PTPN3: variants seen among roughly 807,000 people sequenced by gnomAD.
PTPN3 encodes the protein protein tyrosine phosphatase non-receptor type 3.
Under a neutral mutation model 132.7 loss-of-function variants are expected in PTPN3, and 96 were observed. The ratio of observed to expected loss-of-function variants is 0.72; its 90% CI spans 0.61 to 0.86. The LOEUF (loss-of-function observed/expected upper bound fraction) is 0.86, where lower values mean the gene tolerates loss of function less well. Among genes scored for constraint, PTPN3 ranks in the 40% least tolerant of loss-of-function variants. PTPN3 has a pLI of 0.00. For missense variants in PTPN3, 1,125 were observed against 1,159.6 expected, an observed-to-expected ratio of 0.97 and a Z score of 0.43; for synonymous variants, 398 against 429.0, an observed-to-expected ratio of 0.93 and a Z score of 0.89.
In PTPN3 at chr9:109,486,483, T is replaced by C. The variant is rs146984285; in HGVS notation, c.-18+11736A>G. 6.3e-3 allele frequency among the ~76,000 whole-genome samples: 961 copies of C among 151,880 alleles called. 12 individuals carry two copies. The highest frequency in any genetic ancestry group is 0.022 in the African/African-American group (916 of 41,404). On this transcript the variant is annotated intron_variant, in intron 1 of 25. Transcript: ENST00000374541. ...TGGGCTGGAGAAGGGATTTCTGAGG[T>C]GTGGTGGACAGGCTTGTCCAGGGCA... is the stretch of plus-strand genomic sequence containing the variant.
chr9:109,533,899 A>G, the PTPN3 span: 2 of 755,282 alleles, frequency 2.6e-6, no homozygotes, highest in Non-Finnish European at 4.8e-6. Context: ...AGCATCTATA[A>G]GGGTTACGGT....
At chr9:109,490,622 C>T (rs1184898592) in intron 1 of PTPN3, among the ~76,000 whole-genome samples, 2 of 151,810 alleles carry the variant, frequency 1.3e-5, no homozygotes, top group African/African-American at 4.8e-5. Context: ...GCCTGTAATC[C>T]CAGCTACTCA....
intron 7 of PTPN3, among the ~76,000 whole-genome samples, chr9:109,444,658 A>G (rs1438592268): frequency 6.6e-6 from 1 of 152,224 alleles, no homozygotes; most frequent in East Asian, 1.9e-4. Context: ...TTTTTTAATG[A>G]GTGTACTAGA....
the PTPN3 span, among the ~76,000 whole-genome samples, chr9:109,537,477 G>A: frequency 2.0e-5 from 3 of 152,134 alleles, no homozygotes; most frequent in South Asian, 2.1e-4. Flanking sequence ...TGGGCAGGTC[G>A]AGTCTTGTCC....
At chr9:109,538,359 T>C in the PTPN3 span, among the ~76,000 whole-genome samples, 3 of 152,260 alleles carry the variant, frequency 2.0e-5, no homozygotes, top group Admixed American at 2.0e-4. Context: ...CTAAAGTCTG[T>C]CTTGGAAACC....
At chr9:109,423,060 C>A (rs982257255) in intron 12 of PTPN3, among the ~76,000 whole-genome samples, 8 of 152,150 alleles carry the variant, frequency 5.3e-5, no homozygotes, top group African/African-American at 1.9e-4. Context: ...GGTGAAAATC[C>A]TTTCTTGTCC....
At chr9:109,401,468 T>G (rs1488632597) in intron 19 of PTPN3, among the ~76,000 whole-genome samples, 1 of 152,224 alleles carries the variant, frequency 6.6e-6, no homozygotes, top group Non-Finnish European at 1.5e-5. Context: ...GGTATTTATC[T>G]CTAATGTCTT....
At chr9:109,501,003 G>C (rs565659572), upstream of PTPN3, among the ~76,000 whole-genome samples, 1 of 151,904 alleles carries the variant, frequency 6.6e-6, no homozygotes. Context: ...ACCAAGACTG[G>C]AAGGAAATAT....
At chr9:109,502,508 T>TCC (rs1424406457), upstream of PTPN3, among the ~76,000 whole-genome samples, 805 of 152,292 alleles carry the variant, frequency 5.3e-3, 5 homozygotes, top group African/African-American at 0.018. Context: ...GAACTATAAA[T>TCC]TGCCAGGCAG....
chr9:109,417,445 T>C (rs1469398503), intron 14 of PTPN3: 1 of 388,734 alleles, frequency 2.6e-6, no homozygotes, highest in Non-Finnish European at 3.5e-6. Flanking sequence ...GAATGCTTCT[T>C]TTTGCCTCTT....
chr9:109,521,349 G>A, the PTPN3 span, among the ~76,000 whole-genome samples: 4 of 151,978 alleles, frequency 2.6e-5, no homozygotes, highest in African/African-American at 9.7e-5. Context: ...TTGTAGAGAT[G>A]AGGTATCACC....
chr9:109,436,974 C>A lies in PTPN3; in HGVS notation c.588-4G>T, dbSNP rs370313027. 6.2e-7 allele frequency: 1 copy of A among 1,613,386 alleles called. No homozygotes were observed. The highest frequency in any genetic ancestry group is 1.3e-5 in the African/African-American group (1 of 74,878). Reference sequence around the variant, plus strand: ...TGCTTCTGATTGTTTTAGCCCACTACGGAAGAAAAGACAAAAAGCAGAGTT... The same window carrying A: ...TGCTTCTGATTGTTTTAGCCCACTAAGGAAGAAAAGACAAAAAGCAGAGTT... On this transcript the variant is annotated splice_polypyrimidine_tract_variant and splice_region_variant and intron_variant, in intron 8 of 25. Coordinates refer to ENST00000374541, the MANE Select transcript of PTPN3 (RefSeq NM_002829.4).
chr9:109,467,326 A>T (rs531624731), intron 1 of PTPN3, among the ~76,000 whole-genome samples: 2 of 152,054 alleles, frequency 1.3e-5, no homozygotes, highest in South Asian at 4.2e-4. Flanking sequence ...TGGGAGGTGC[A>T]CATCAGAATC....
intron 1 of PTPN3, among the ~76,000 whole-genome samples, chr9:109,479,817 G>A (rs552135210): frequency 2.6e-5 from 4 of 152,198 alleles, no homozygotes; most frequent in African/African-American, 9.6e-5. Context: ...GAGCTCAAGC[G>A]ATACACCCTC....
chr9:109,404,774 G>A (rs557768894), intron 18 of PTPN3, among the ~76,000 whole-genome samples, 166 bp from the exon 19 acceptor site: 15 of 152,244 alleles, frequency 9.9e-5, no homozygotes, highest in Admixed American at 7.8e-4. Flanking sequence ...CTACTTCTAG[G>A]TGAATGATTC....
Position 109,432,400 on chromosome 9 carries a change from T to C in PTPN3, c.764+673A>G, listed in dbSNP as rs73654241. On this transcript the variant is annotated intron_variant, in intron 10 of 25. Transcript: ENST00000374541. ...TTCCATCTGCATCTCCTGCCGTCTA[T>C]GGCACTCACTCTCCTGTACCTTCCT... Among the ~76,000 whole-genome samples, 1,421 of 152,278 alleles carry C rather than the reference T, an allele frequency of 9.3e-3. 23 individuals carry two copies. Among genetic ancestry groups the C allele is most frequent in the African/African-American group, 0.032 (1,332 of 41,540 alleles).
the PTPN3 span, among the ~76,000 whole-genome samples, chr9:109,517,676 T>G: frequency 6.6e-6 from 1 of 152,234 alleles, no homozygotes; most frequent in Non-Finnish European, 1.5e-5. Flanking sequence ...GAAATAGTTC[T>G]GATGACCATG....
At chr9:109,451,451 A>G in intron 5 of PTPN3, 1 of 903,676 alleles carries the variant, frequency 1.1e-6, no homozygotes, top group African/African-American at 1.8e-5. Flanking sequence ...ACAGACACAC[A>G]CTGTTTATTA....
intron 1 of PTPN3, among the ~76,000 whole-genome samples, chr9:109,490,835 T>C (rs966796452): frequency 1.2e-4 from 18 of 145,636 alleles, no homozygotes; most frequent in Non-Finnish European, 5.9e-5. Flanking sequence ...ATGACAACCG[T>C]ACGCAACCCA....
Sources: gnomAD v4.1 joint callset for allele counts (sites outside exome capture counted in the v4.1 genomes callset) on GRCh38, gnomAD v4.1.1 for gene constraint, MANE v1.5 for transcripts, NCBI Gene and HGNC (gene_info 2026-07-23, HGNC 2026-07-21) for gene names.